The following IL1RAPL2 variants were observed in gnomAD, a reference collection of about 807,000 sequenced individuals.
The protein encoded by IL1RAPL2 is interleukin 1 receptor accessory protein like 2.
A neutral mutation model predicts 44.1 loss-of-function variants in IL1RAPL2; 3 were observed. That is an observed-to-expected ratio of 0.07 (90% confidence interval 0.03 to 0.18). The LOEUF (loss-of-function observed/expected upper bound fraction) is 0.18. Among genes scored for constraint, IL1RAPL2 ranks in the 10% least tolerant of loss-of-function variants. The probability of loss-of-function intolerance (pLI) is 1.00; values close to 1 mark genes in which losing one functional copy is unlikely to be tolerated. For synonymous variants in IL1RAPL2, 181 were observed against 178.8 expected (o/e 1.01, Z -0.10); for missense variants, 391 against 496.4 (o/e 0.79, Z 2.02).
chrX:105,412,674 G>A (rs913877588), intron 5 of IL1RAPL2, among the ~76,000 whole-genome samples: 34 of 111,240 alleles, frequency 3.1e-4, no homozygotes, highest in Non-Finnish European at 5.8e-4. Flanking sequence ...TTACAAAAGA[G>A]CTAGGAGAGA....
intron 2 of IL1RAPL2, among the ~76,000 whole-genome samples, chrX:104,806,722 T>C (rs748256659): frequency 2.5e-4 from 28 of 112,290 alleles, no homozygotes; most frequent in Admixed American, 2.3e-3. Context: ...GCAGCTTATT[T>C]GGGGTTTTGT....
At chrX:105,622,344 C>G (rs2037425656) in intron 6 of IL1RAPL2, among the ~76,000 whole-genome samples, 1 of 109,185 alleles carries the variant, frequency 9.2e-6, no homozygotes, top group South Asian at 3.9e-4. Context: ...GATTTTCAAA[C>G]TACCAGTTCA....
chrX:104,925,377 C>A (rs11798349), intron 2 of IL1RAPL2, among the ~76,000 whole-genome samples: 2 of 109,347 alleles, frequency 1.8e-5, no homozygotes, highest in Non-Finnish European at 3.8e-5. Flanking sequence ...ATTCTGATAC[C>A]AAGACCTGGC....
Position 105,236,609 on chromosome X carries a change from T to C in IL1RAPL2, c.543+2605T>C, listed in dbSNP as rs964835022. The stretch of plus-strand genomic sequence containing the variant: ...TGCAGTTTGGCTACTAGCCCCACTC[T>C]TAGCCCCTACAGTATACTAACGGAT... On this transcript the variant is annotated intron_variant, in intron 4 of 10. Transcript: ENST00000372582. Among the ~76,000 whole-genome samples the C allele has an allele frequency of 9.0e-5, 10 of 111,419 alleles. 1 individual carries two copies. Among genetic ancestry groups the C allele is most frequent in the Admixed American group, 4.8e-4 (5 of 10,458 alleles).
In IL1RAPL2 at chrX:105,006,787, G is replaced by A. The variant is rs191076182; in HGVS notation, c.83-188688G>A. Among the ~76,000 whole-genome samples the A allele has an allele frequency of 3.6e-5, 4 of 111,374 alleles. No homozygotes were observed. In the East Asian group the frequency reaches 1.1e-3, roughly 32 times the overall value. On this transcript the variant is annotated intron_variant, in intron 2 of 10. Coordinates refer to ENST00000372582, the MANE Select transcript of IL1RAPL2 (RefSeq NM_017416.2). ...ATTGTGTCACTGTTGGGTTGCAGTT[G>A]AGACACCTTGCTATTACCATCATCT... is the stretch of plus-strand genomic sequence containing the variant.
chrX:105,591,818 GA>G (rs1037461757), intron 6 of IL1RAPL2, among the ~76,000 whole-genome samples: 25 of 111,463 alleles, frequency 2.2e-4, no homozygotes, highest in African/African-American at 7.2e-4. Flanking sequence ...AATTTGCTGA[GA>G]ATTTTTTATG....
chrX:104,655,190 G>T (rs1930231104), intron 1 of IL1RAPL2, among the ~76,000 whole-genome samples: 1 of 111,342 alleles, frequency 9.0e-6, no homozygotes, highest in African/African-American at 3.3e-5. Context: ...GATTGCCCTG[G>T]CCAGAATTTC....
chrX:105,074,035 C>T (rs1275526857), intron 2 of IL1RAPL2, among the ~76,000 whole-genome samples: 1 of 110,751 alleles, frequency 9.0e-6, no homozygotes, highest in Non-Finnish European at 1.9e-5. Flanking sequence ...TGCAGAAGCT[C>T]TTTAGTTTAA....
At chrX:104,583,627 T>C (rs771900769) in intron 1 of IL1RAPL2, among the ~76,000 whole-genome samples, 10 of 112,333 alleles carry the variant, frequency 8.9e-5, no homozygotes, top group African/African-American at 3.2e-4. Flanking sequence ...TATATCACAA[T>C]TTGTTTACCA....
chrX:104,692,604 C>T (rs778246087), intron 2 of IL1RAPL2, among the ~76,000 whole-genome samples: 76 of 109,366 alleles, frequency 6.9e-4, no homozygotes, highest in Non-Finnish European at 9.3e-4. Flanking sequence ...ATGCGGGTTT[C>T]TGTCCTTGCA....
At chrX:105,605,890 A>AT (rs769663132) in intron 6 of IL1RAPL2, among the ~76,000 whole-genome samples, 2 of 111,856 alleles carry the variant, frequency 1.8e-5, no homozygotes, top group Non-Finnish European at 3.8e-5. Context: ...AAAACTGTAT[A>AT]TTCATATGCA....
chrX:105,267,586 A>C, intron 5 of IL1RAPL2, 45 bp downstream of exon 5: 2 of 1,061,349 alleles, frequency 1.9e-6, no homozygotes, highest in Non-Finnish European at 2.5e-6. Context: ...GATTTTAAGT[A>C]TAATTTGGTT....
intron 5 of IL1RAPL2, among the ~76,000 whole-genome samples, chrX:105,277,555 T>C (rs1462798407): frequency 9.0e-6 from 1 of 111,605 alleles, no homozygotes. Context: ...ATCCTTGCTT[T>C]CTCCTGGGGT....
intron 2 of IL1RAPL2, among the ~76,000 whole-genome samples, chrX:104,925,296 A>G (rs1040882755): frequency 6.4e-5 from 7 of 109,270 alleles, no homozygotes; most frequent in African/African-American, 2.3e-4. Context: ...AGTCAGTACC[A>G]TCTCTACTGA....
At chrX:105,540,541 T>C (rs2036712571) in intron 6 of IL1RAPL2, among the ~76,000 whole-genome samples, 1 of 108,406 alleles carries the variant, frequency 9.2e-6, no homozygotes, top group Non-Finnish European at 1.9e-5. Context: ...AGAGGGAGAT[T>C]CTCTCTCTAA....
At chrX:105,687,450 C>T (rs1300733754) in intron 6 of IL1RAPL2, among the ~76,000 whole-genome samples, 6 of 111,276 alleles carry the variant, frequency 5.4e-5, no homozygotes, top group Non-Finnish European at 9.4e-5. Flanking sequence ...ATATAAATAC[C>T]TCTATGCAAA....
chrX:105,540,757 G>T (rs2036714436), intron 6 of IL1RAPL2, among the ~76,000 whole-genome samples: 1 of 88,385 alleles, frequency 1.1e-5, no homozygotes, highest in African/African-American at 4.2e-5. Context: ...TACATGAGTA[G>T]TCTGCTTCTT....
At chrX:104,918,686 T>C (rs1408960224) in intron 2 of IL1RAPL2, among the ~76,000 whole-genome samples, 1 of 111,972 alleles carries the variant, frequency 8.9e-6, no homozygotes. Flanking sequence ...TTGTGGATTC[T>C]GACTAGTAAT....
chrX:105,635,492 A>G (rs1003824612), intron 6 of IL1RAPL2, among the ~76,000 whole-genome samples: 1 of 111,511 alleles, frequency 9.0e-6, no homozygotes, highest in Admixed American at 9.5e-5. Flanking sequence ...ACTTTAGTCA[A>G]TGCTATAAAA....
Sources: allele counts gnomAD v4.1 joint callset (sites outside exome capture counted in the v4.1 genomes callset), GRCh38; gene constraint gnomAD v4.1.1; transcripts MANE v1.5; gene names NCBI Gene and HGNC (gene_info 2026-07-23, HGNC 2026-07-21).